EHMT1: variants seen among roughly 807,000 people sequenced by gnomAD.
EHMT1 encodes the protein euchromatic histone lysine methyltransferase 1, also known as histone-lysine N-methyltransferase EHMT1.
Under a neutral mutation model 147.2 loss-of-function variants are expected in EHMT1, and 15 were observed. The observed-to-expected ratio is 0.10, with a 90% CI of 0.07 to 0.16. The LOEUF is 0.16. EHMT1 is among the 10% of genes least tolerant of loss of function. The pLI is 1.00. For synonymous variants in EHMT1, 795 were observed against 709.6 expected (o/e 1.12, Z -1.91); for missense variants, 1,587 against 1,772.4 (o/e 0.90, Z 1.88).
rs2135303875 is a variant in EHMT1 at position 137,706,955 on chromosome 9, G to A, written c.22-4012G>A. Reference sequence around the variant, plus strand: ...TTCTCCTGCCTCAGCCTCCCGAGTAGCTGGGATTACAGGCATGTGCCACCA... The same window carrying A: ...TTCTCCTGCCTCAGCCTCCCGAGTAACTGGGATTACAGGCATGTGCCACCA... On this transcript the variant is annotated intron_variant, in intron 1 of 26. Transcript: ENST00000460843. Among the ~76,000 whole-genome samples the A allele has an allele frequency of 1.3e-5, 2 of 151,872 alleles. 1 individual carries two copies. Among genetic ancestry groups the A allele is most frequent in the South Asian group, 4.2e-4 (2 of 4,808 alleles).
In EHMT1 at chr9:137,751,992, T is replaced by C. The variant is rs187348182; in HGVS notation, c.1171-339T>C. 2.7e-3 allele frequency among the ~76,000 whole-genome samples: 416 copies of C among 152,354 alleles called. 1 individual carries two copies. The highest frequency in any genetic ancestry group is 8.9e-3 in the African/African-American group (372 of 41,588). ...GAATTATCCCATTCATAAGATACAG[T>C]GAGTACCTGAACCCTCACTGATACA... is the stretch of plus-strand genomic sequence containing the variant. On this transcript the variant is annotated intron_variant, in intron 6 of 26. Transcript: ENST00000460843.
At position 137,834,339 on chromosome 9, in the gene EHMT1, C is replaced by CTT; in HGVS notation, c.3541-10_3541-9insTT. ...CTAACTGCAGCCCGTGCCGGCTTCTCGCCCTGCAGGACGGGGAGGTTTACT... is the reference window on the plus strand; with the variant it reads ...CTAACTGCAGCCCGTGCCGGCTTCTCTTGCCCTGCAGGACGGGGAGGTTTACT... On this transcript the variant is annotated splice_polypyrimidine_tract_variant and intron_variant, in intron 25 of 26. Coordinates refer to ENST00000460843, the MANE Select transcript of EHMT1 (RefSeq NM_024757.5). 6.2e-7 allele frequency: 1 copy of CTT among 1,612,428 alleles called. No homozygotes were observed. The highest frequency in any genetic ancestry group is 8.5e-7 in the Non-Finnish European group (1 of 1,179,692).
At chr9:137,764,344 C>A (rs1456983224) in intron 10 of EHMT1, 1 of 152,312 alleles carries the variant, frequency 6.6e-6, no homozygotes, top group Non-Finnish European at 1.5e-5. Flanking sequence ...CTTTTCCCAC[C>A]TCTGAGTGTT....
At chr9:137,740,359 T>C (rs984720922) in intron 4 of EHMT1, among the ~76,000 whole-genome samples, 4 of 152,000 alleles carry the variant, frequency 2.6e-5, no homozygotes, top group African/African-American at 9.7e-5. Context: ...GATTCTCCTG[T>C]GCCAGATCCC....
chr9:137,685,222 A>G (rs960637974), intron 1 of EHMT1: 2 of 152,106 alleles, frequency 1.3e-5, no homozygotes, highest in African/African-American at 4.8e-5. Context: ...TCATCACCCC[A>G]AGCAGAAACT....
chr9:137,754,022 A>T (rs1056893275), intron 7 of EHMT1, 149 bp from the exon 8 acceptor site: 1 of 1,355,566 alleles, frequency 7.4e-7, no homozygotes, highest in Non-Finnish European at 1.0e-6. Context: ...CGTGTGACCC[A>T]GCAAAATGTC....
intron 1 of EHMT1, chr9:137,651,102 T>C (rs1030946577): frequency 6.6e-6 from 1 of 152,086 alleles, no homozygotes; most frequent in East Asian, 1.9e-4. Context: ...TTGACGATGA[T>C]ATGGAAAAAC....
rs548799926 is a variant in EHMT1, at chr9:137,753,960, T to G, written c.1249-211T>G. 2.0e-5 allele frequency among the ~76,000 whole-genome samples: 3 copies of G among 152,334 alleles called. No individual in the cohort carries two copies. The East Asian group carries it at 5.8e-4, about 29-fold the overall frequency. Reference sequence around the variant, plus strand: ...CTTTCTGCTTTTGTTTTGTTTTATCTCTAAAGGGACTGAGCTGAGAGAGTT... The same window carrying G: ...CTTTCTGCTTTTGTTTTGTTTTATCGCTAAAGGGACTGAGCTGAGAGAGTT... On this transcript the variant is annotated intron_variant, in intron 7 of 26. Transcript: ENST00000460843.
chr9:137,757,780 T>A (rs73574170), intron 8 of EHMT1, 100 bp from the exon 9 acceptor site: 2 of 1,554,988 alleles, frequency 1.3e-6, no homozygotes, highest in Admixed American at 1.7e-5. Flanking sequence ...TAATTAGAAG[T>A]AGTCCATTTC....
Position 137,666,814 on chromosome 9 carries a change from C to G in EHMT1, c.22-44153C>G, listed in dbSNP as rs1001101247. On this transcript the variant is annotated intron_variant, in intron 1 of 26. Transcript: ENST00000460843. ...AGAGTCTCCACTTGGATTTTCTAAG[C>G]AATTCCACAGAAAATAAGACGTTGC... 2.6e-5 allele frequency among the ~76,000 whole-genome samples: 4 copies of G among 152,332 alleles called. No homozygotes were observed. In the East Asian group the frequency reaches 7.7e-4, roughly 29 times the overall value.
In EHMT1 at chr9:137,800,713, C is replaced by G; in HGVS notation, c.2608-167C>G. 3 of 643,890 alleles carry G rather than the reference C, an allele frequency of 4.7e-6. No homozygotes were observed. In the South Asian group the frequency reaches 5.4e-5, roughly 12 times the overall value. 39.9% of individuals were successfully genotyped at this position (643,890 alleles called of 1,614,324 possible). A position where few individuals can be genotyped will look rare whatever the true frequency, so the allele number is the denominator to read the frequency against. On this transcript the variant is annotated intron_variant, in intron 17 of 26. Transcript: ENST00000460843. Reference sequence around the variant, plus strand: ...CTTGTGGAGCTACCTGGGCTGTGCTCTGAGGAAGAACTGTGGCCTCTGAAG... The same window carrying G: ...CTTGTGGAGCTACCTGGGCTGTGCTGTGAGGAAGAACTGTGGCCTCTGAAG...
chr9:137,814,402 G>A (rs1414251151), intron 21 of EHMT1, 29 bp from the exon 22 acceptor site: 4 of 1,610,750 alleles, frequency 2.5e-6, no homozygotes, highest in East Asian at 2.2e-5. Context: ...GTGCCTGCAC[G>A]TCTGACCCCC....
chr9:137,777,070 AC>A, intron 12 of EHMT1: 1 of 523,422 alleles, frequency 1.9e-6, no homozygotes, highest in South Asian at 2.0e-5. Flanking sequence ...CCTGTTTTGA[AC>A]CGGTTTTCAC....
At position 137,627,258 on chromosome 9, in the gene EHMT1, ATTTTTTTT is replaced by A. The variant is rs1196958635; in HGVS notation, c.21+8224_21+8231del. ...TAGGCATGAACCACCATGCCTGGCC[ATTTTTTTT>A]TTTTTTTTTTTTTTGAGATGGCATC... On this transcript the variant is annotated intron_variant, in intron 1 of 26. Transcript: ENST00000460843. 2.6e-5 allele frequency among the ~76,000 whole-genome samples: 3 copies of A among 113,860 alleles called. 1 individual carries two copies. The highest frequency in any genetic ancestry group is 3.6e-5 in the Non-Finnish European group (2 of 54,914). 74.7% of individuals were successfully genotyped at this position (113,860 alleles called of 152,430 possible).
chr9:137,676,570 G>T (rs1941347695), intron 1 of EHMT1: 1 of 152,300 alleles, frequency 6.6e-6, no homozygotes, highest in Non-Finnish European at 1.5e-5. Context: ...CTCCTTATGA[G>T]ACAGCCAAAT....
At chr9:137,814,067 C>G (rs1564812194) in intron 21 of EHMT1, among the ~76,000 whole-genome samples, 2 of 97,252 alleles carry the variant, frequency 2.1e-5, no homozygotes, top group African/African-American at 1.1e-4. Context: ...CCCCCCCCCC[C>G]CCCCGCCCCC....
At chr9:137,646,361 A>G in intron 1 of EHMT1, 2 of 985,482 alleles carry the variant, frequency 2.0e-6, no homozygotes, top group Non-Finnish European at 2.4e-6. Flanking sequence ...GGAACATTTC[A>G]AGTTTGTGCT....
chr9:137,813,185 C>T lies in EHMT1; in HGVS notation c.3035+12C>T. The T allele has an allele frequency of 6.2e-7, 1 of 1,606,684 alleles. No homozygotes were observed. ...AGGATAGTGAGCAGGTGAGCCCAGC[C>T]CCAGGACGGCTTTGTGGCAAATCAG... On this transcript the variant is annotated intron_variant, in intron 20 of 26. Transcript: ENST00000460843. The surrounding 1 kb of genome is among the most constrained non-coding windows in gnomAD (Gnocchi z 4.9).
chr9:137,751,339 A>G (rs771808425), intron 6 of EHMT1, among the ~76,000 whole-genome samples: 12 of 152,342 alleles, frequency 7.9e-5, no homozygotes, highest in Middle Eastern at 3.4e-3. Flanking sequence ...CTTGACAGGA[A>G]AAACAGGGGT....
Sources: allele counts gnomAD v4.1 joint callset (sites outside exome capture counted in the v4.1 genomes callset), GRCh38; gene constraint gnomAD v4.1.1; non-coding constraint Gnocchi (gnomAD v3.1); transcripts MANE v1.5; gene names NCBI Gene and HGNC (gene_info 2026-07-23, HGNC 2026-07-21).